The following RAPGEF2 variants were observed in gnomAD, a reference collection of about 807,000 sequenced individuals.
RAPGEF2 encodes Rap guanine nucleotide exchange factor 2, also known as PDZ domain containing guanine nucleotide exchange factor (GEF) 1.
Under a neutral mutation model 186.7 loss-of-function variants are expected in RAPGEF2, and 54 were observed. The ratio of observed to expected loss-of-function variants is 0.29; its 90% CI spans 0.23 to 0.36. The LOEUF is 0.36. Among genes scored for constraint, RAPGEF2 ranks in the 10% least tolerant of loss-of-function variants. The pLI is 1.00. For synonymous variants in RAPGEF2, 712 were observed against 705.9 expected, an observed-to-expected ratio of 1.01 and a Z score of -0.14; for missense variants, 1,532 against 2,045.0, an observed-to-expected ratio of 0.75 and a Z score of 4.84.
At chr4:159,162,087 A>G (rs1003620343) in intron 1 of RAPGEF2, among the ~76,000 whole-genome samples, 1 of 152,040 alleles carries the variant, frequency 6.6e-6, no homozygotes. Context: ...AGTGTTTGTT[A>G]AAAATCTGGA....
chr4:159,105,979 C>A (rs369883776), intron 1 of RAPGEF2, among the ~76,000 whole-genome samples: 3 of 152,050 alleles, frequency 2.0e-5, no homozygotes, highest in African/African-American at 7.3e-5. Flanking sequence ...GGTTGGGGGG[C>A]GGGTCACCAA....
chr4:159,145,038 A>C (rs1021733150), intron 1 of RAPGEF2, among the ~76,000 whole-genome samples: 24 of 151,530 alleles, frequency 1.6e-4, no homozygotes, highest in African/African-American at 5.8e-4. Context: ...GCAGGCATGC[A>C]CCAGTACACC....
chr4:159,304,674 C>T lies in RAPGEF2; in HGVS notation c.675+201C>T, dbSNP rs76474667. On this transcript the variant is annotated intron_variant, in intron 8 of 29. Transcript: ENST00000691494. Reference sequence around the variant, plus strand: ...TCTGATTATACTGCCTCTGCTATGACGAGTTATCAAAGTGTTCCTTTTTTT... The same window carrying T: ...TCTGATTATACTGCCTCTGCTATGATGAGTTATCAAAGTGTTCCTTTTTTT... Among the ~76,000 whole-genome samples the T allele has an allele frequency of 8.6e-3, 1,313 of 152,062 alleles. 15 individuals are homozygous for T. Among genetic ancestry groups the T allele is most frequent in the African/African-American group, 0.03 (1,225 of 41,470 alleles).
chr4:159,181,478 ATGACAGGT>A (rs529059427), intron 1 of RAPGEF2, among the ~76,000 whole-genome samples: 169 of 152,140 alleles, frequency 1.1e-3, no homozygotes, highest in African/African-American at 3.9e-3. Flanking sequence ...TGGGCAGATT[ATGACAGGT>A]TGACAGGTAA....
chr4:159,351,907 C>T (rs184954899), intron 26 of RAPGEF2, among the ~76,000 whole-genome samples: 255 of 152,288 alleles, frequency 1.7e-3, no homozygotes, highest in African/African-American at 5.6e-3. Flanking sequence ...GCCAAGATCC[C>T]GCCACTGCAC....
chr4:159,194,136 G>A (rs574865689), intron 3 of RAPGEF2, among the ~76,000 whole-genome samples: 77 of 152,318 alleles, frequency 5.1e-4, no homozygotes, highest in African/African-American at 1.7e-3. Context: ...GATGTGTCCC[G>A]GAGGCTGCAG....
chr4:159,123,095 CAT>C (rs1376353138), intron 1 of RAPGEF2, among the ~76,000 whole-genome samples: 14 of 152,160 alleles, frequency 9.2e-5, no homozygotes, highest in South Asian at 4.1e-4. Flanking sequence ...TACAATACAA[CAT>C]ATGTGTTAAT....
At chr4:159,212,396 A>G (rs1750618957) in intron 4 of RAPGEF2, among the ~76,000 whole-genome samples, 1 of 152,228 alleles carries the variant, frequency 6.6e-6, no homozygotes, top group South Asian at 2.1e-4. Context: ...AGTAGTAATT[A>G]CTACATACAT....
intron 4 of RAPGEF2, among the ~76,000 whole-genome samples, chr4:159,223,065 TTAGA>T (rs1751688542): frequency 6.6e-6 from 1 of 152,066 alleles, no homozygotes; most frequent in Admixed American, 6.5e-5. Context: ...AAGGAATAGC[TTAGA>T]TATTTATATT....
At chr4:159,322,593 T>A in intron 10 of RAPGEF2, 110 bp downstream of exon 10, 1 of 804,826 alleles carries the variant, frequency 1.2e-6, no homozygotes, top group Non-Finnish European at 2.0e-6. Flanking sequence ...CCAACAACAG[T>A]AAGTTTGAAT....
At chr4:159,202,402 T>C (rs1055381177) in intron 3 of RAPGEF2, among the ~76,000 whole-genome samples, 1 of 152,154 alleles carries the variant, frequency 6.6e-6, no homozygotes, top group Non-Finnish European at 1.5e-5. Flanking sequence ...CACCATTCTT[T>C]CTGTTTCTGT....
At chr4:159,236,848 G>A (rs1753320638) in intron 4 of RAPGEF2, among the ~76,000 whole-genome samples, 1 of 152,116 alleles carries the variant, frequency 6.6e-6, no homozygotes, top group Admixed American at 6.5e-5. Flanking sequence ...CATTTAAATT[G>A]CATGAGAAGT....
chr4:159,186,267 A>G (rs761194267), intron 1 of RAPGEF2, among the ~76,000 whole-genome samples: 1 of 152,054 alleles, frequency 6.6e-6, no homozygotes, highest in African/African-American at 2.4e-5. Flanking sequence ...CATTCATTTT[A>G]TATTGACTAA....
At chr4:159,316,346 T>A (rs1764604291) in intron 9 of RAPGEF2, among the ~76,000 whole-genome samples, 1 of 152,148 alleles carries the variant, frequency 6.6e-6, no homozygotes, top group African/African-American at 2.4e-5. Flanking sequence ...AGTATAACTA[T>A]TCTTGTTTTA....
Position 159,198,306 on chromosome 4 carries a change from CTTTCTTTCTTTCTTTCTTTCTTTCTTTCT to C in RAPGEF2, c.197+5054_197+5082del, listed in dbSNP as rs1477105050. On this transcript the variant is annotated intron_variant, in intron 3 of 29. Coordinates refer to ENST00000691494, the MANE Select transcript of RAPGEF2 (RefSeq NM_001394067.2). Reference sequence around the variant, plus strand: ...TCTTTCTTTCTTTCTTTCTTTCTTTCTTTCTTTCTTTCTTTCTTTCTTTCTTTCTTTTTCTTTCTCTCTCTTTCCTTCCT... The same window carrying C: ...TCTTTCTTTCTTTCTTTCTTTCTTTCTTTTCTTTCTCTCTCTTTCCTTCCT... Among the ~76,000 whole-genome samples the C allele has an allele frequency of 1.0e-3, 69 of 67,072 alleles. 2 individuals carry two copies. Among genetic ancestry groups the C allele is most frequent in the African/African-American group, 6.5e-3 (50 of 7,664 alleles). 44.0% of individuals were successfully genotyped at this position (67,072 alleles called of 152,430 possible). A position where few individuals can be genotyped will look rare whatever the true frequency, so the allele number is the denominator to read the frequency against.
chr4:159,314,832 A>T (rs1764358123), intron 9 of RAPGEF2, 64 bp downstream of exon 9: 1 of 1,438,602 alleles, frequency 7.0e-7, no homozygotes, highest in African/African-American at 1.4e-5. Context: ...AAATTGTCTG[A>T]TGAAATAGAG....
At chr4:159,246,058 T>C (rs1303501713) in intron 7 of RAPGEF2, among the ~76,000 whole-genome samples, 2 of 152,138 alleles carry the variant, frequency 1.3e-5, no homozygotes, top group African/African-American at 4.8e-5. Context: ...AACATACTTA[T>C]AAAGTTTCAG....
At chr4:159,329,348 T>C (rs568585010) in intron 11 of RAPGEF2, 1 of 152,474 alleles carries the variant, frequency 6.6e-6, no homozygotes, top group East Asian at 1.9e-4. Flanking sequence ...TTGACCTTCT[T>C]TGAACAAGCT....
chr4:159,273,638 C>G (rs1222816569), intron 7 of RAPGEF2, among the ~76,000 whole-genome samples: 37 of 67,168 alleles, frequency 5.5e-4, no homozygotes, highest in African/African-American at 2.0e-3. Context: ...TTCTTTCTTT[C>G]TTTCTTTCTT....
Sources: gnomAD v4.1 joint callset for allele counts (sites outside exome capture counted in the v4.1 genomes callset) on GRCh38, gnomAD v4.1.1 for gene constraint, MANE v1.5 for transcripts, NCBI Gene and HGNC (gene_info 2026-07-23, HGNC 2026-07-21) for gene names.